Variants in HDAC4 observed in about 807,000 individuals in gnomAD.
HDAC4 encodes the protein histone deacetylase 4, also known as histone deacetylase A.
A neutral mutation model predicts 135.1 loss-of-function variants in HDAC4; 16 were observed. The observed-to-expected ratio is 0.12, with a 90% CI of 0.08 to 0.18. The LOEUF (loss-of-function observed/expected upper bound fraction) is 0.18, where lower values mean the gene tolerates loss of function less well. Among genes scored for constraint, HDAC4 ranks in the 10% least tolerant of loss-of-function variants. HDAC4 has a pLI of 1.00. For synonymous variants in HDAC4, 685 were observed against 653.4 expected (o/e 1.05, Z -0.74); for missense variants, 1,143 against 1,511.8 (o/e 0.76, Z 4.05).
chr2:239,340,806 C>G lies in HDAC4; in HGVS notation c.22+11872G>C, dbSNP rs145685118. 1.1e-4 allele frequency among the ~76,000 whole-genome samples: 16 copies of G among 152,288 alleles called. No homozygotes were observed. The South Asian group carries it at 3.3e-3, about 32-fold the overall frequency. On this transcript the variant is annotated intron_variant, in intron 2 of 26. Coordinates refer to ENST00000543185, the MANE Select transcript of HDAC4 (RefSeq NM_001378414.1). ...AAGTCCACCCCTCCAGGCCAGGCAC[C>G]CTGGCCCCATCCTGATGCTGCAAGA...
intron 4 of HDAC4, 151 bp from the exon 5 acceptor site, chr2:239,176,714 G>A: frequency 1.5e-6 from 1 of 669,382 alleles, no homozygotes; most frequent in South Asian, 1.9e-5. Context: ...TGCTATTTCA[G>A]TCCAAAAAAA....
intron 2 of HDAC4, among the ~76,000 whole-genome samples, chr2:239,276,704 G>A (rs192028538): frequency 3.9e-4 from 60 of 152,134 alleles, no homozygotes; most frequent in Admixed American, 9.8e-4. Flanking sequence ...GACACTACCC[G>A]CTGTCTGCTG....
intron 2 of HDAC4, among the ~76,000 whole-genome samples, chr2:239,294,792 C>T (rs1033682571): frequency 1.3e-5 from 2 of 152,068 alleles, no homozygotes; most frequent in Non-Finnish European, 2.9e-5. Context: ...TAAAATGGGG[C>T]GATGCCACTC....
chr2:239,209,177 G>A (rs1267444719), intron 3 of HDAC4, among the ~76,000 whole-genome samples: 1 of 152,220 alleles, frequency 6.6e-6, no homozygotes, highest in Non-Finnish European at 1.5e-5. Flanking sequence ...AGGCCACTGT[G>A]CCTGGCCCTG....
rs564755384 is a variant in HDAC4, at chr2:239,113,780, C to T, written c.1791+1273G>A. Among the ~76,000 whole-genome samples, 5 of 152,284 alleles carry T rather than the reference C, an allele frequency of 3.3e-5. No homozygotes were observed. In the South Asian group the frequency reaches 6.2e-4, roughly 19 times the overall value. On this transcript the variant is annotated intron_variant, in intron 13 of 26. Coordinates refer to ENST00000543185, the MANE Select transcript of HDAC4 (RefSeq NM_001378414.1). ...GGGCCTGTCGGACAGGACCTGTGGACGAGTGTTCACCATGAAGCACCGTGT... is the reference window on the plus strand; with the variant it reads ...GGGCCTGTCGGACAGGACCTGTGGATGAGTGTTCACCATGAAGCACCGTGT...
At chr2:239,291,360 G>A (rs1263191458) in intron 2 of HDAC4, among the ~76,000 whole-genome samples, 1 of 152,224 alleles carries the variant, frequency 6.6e-6, no homozygotes. Context: ...GCTGAAAATA[G>A]CCGGTGTTTG....
chr2:239,149,830 CT>C (rs1363048207), intron 7 of HDAC4, among the ~76,000 whole-genome samples: 1 of 152,194 alleles, frequency 6.6e-6, no homozygotes, highest in Admixed American at 6.5e-5. Context: ...CTAGAATGAA[CT>C]GCAACACCAT....
At chr2:239,358,312 C>T (rs76433937) in intron 1 of HDAC4, among the ~76,000 whole-genome samples, 2,720 of 152,364 alleles carry the variant, frequency 0.018, 48 homozygotes, top group East Asian at 0.097. Context: ...TCCCATACTG[C>T]CACCATTGGT....
Position 239,053,145 on chromosome 2 carries a change from C to T in HDAC4, c.3231-9G>A. ...TGGGCTCCTCATCTGGTCTGTGGAT[C>T]CCGCAAGAGAAGGAGATGGGGGCGT... On this transcript the variant is annotated splice_polypyrimidine_tract_variant and intron_variant, in intron 26 of 26. Coordinates refer to ENST00000543185, the MANE Select transcript of HDAC4 (RefSeq NM_001378414.1). The T allele has an allele frequency of 6.2e-7, 1 of 1,614,130 alleles. No individual in the cohort carries two copies. The highest frequency in any genetic ancestry group is 1.3e-5 in the African/African-American group (1 of 75,056).
chr2:239,310,747 G>A (rs1295965796), intron 2 of HDAC4, among the ~76,000 whole-genome samples: 1 of 152,210 alleles, frequency 6.6e-6, no homozygotes, highest in African/African-American at 2.4e-5. Flanking sequence ...AACTGGGTCT[G>A]GGAGCACAGG....
At chr2:239,124,393 T>C (rs1372594270) in intron 12 of HDAC4, among the ~76,000 whole-genome samples, 1 of 152,260 alleles carries the variant, frequency 6.6e-6, no homozygotes, top group Admixed American at 6.5e-5. Context: ...GTGCATGAAA[T>C]CATACCACAC....
chr2:239,297,845 T>C (rs2052005565), intron 2 of HDAC4, among the ~76,000 whole-genome samples: 1 of 152,208 alleles, frequency 6.6e-6, no homozygotes, highest in South Asian at 2.1e-4. Context: ...AATTGAGACC[T>C]TGAAAGTGAA....
chr2:239,117,300 G>A (rs3791424), intron 12 of HDAC4, among the ~76,000 whole-genome samples: 62,800 of 151,990 alleles, frequency 0.41, 14,731 homozygotes, highest in South Asian at 0.68. Context: ...GCTGCAGACA[G>A]GCCAGAGGTT....
chr2:239,091,322 C>T (rs1346063547), intron 17 of HDAC4: 3 of 152,288 alleles, frequency 2.0e-5, no homozygotes, highest in African/African-American at 7.2e-5. Flanking sequence ...GAGCATCTGT[C>T]CCCAAGTGTG....
intron 1 of HDAC4, among the ~76,000 whole-genome samples, chr2:239,399,000 G>A (rs533422308): frequency 4.6e-5 from 7 of 152,368 alleles, no homozygotes; most frequent in Non-Finnish European, 7.3e-5. Flanking sequence ...AACACAGAAA[G>A]CTATAGAAGT....
In HDAC4 at chr2:239,048,483, G is replaced by C. The variant is rs1308060647; in HGVS notation, c.*4614C>G. The C allele has an allele frequency of 6.6e-6, 1 of 152,208 alleles. No individual in the cohort carries two copies. Among genetic ancestry groups the C allele is most frequent in the Admixed American group, 6.5e-5 (1 of 15,282 alleles). 9.4% of individuals were successfully genotyped at this position (152,208 alleles called of 1,614,324 possible). ...GCGGGCGCGAACAGGCATCAGGTAG[G>C]TTACAGTGTCGTTACAACTTGGTTT... On this transcript the variant is annotated 3_prime_UTR_variant, in exon 27 of 27. Transcript: ENST00000543185.
chr2:239,259,939 C>A (rs748884791), intron 2 of HDAC4, among the ~76,000 whole-genome samples: 3 of 152,172 alleles, frequency 2.0e-5, no homozygotes, highest in Non-Finnish European at 4.4e-5. Flanking sequence ...CATCTGACAG[C>A]CAGCTAAGGA....
intron 5 of HDAC4, 150 bp from the exon 6 acceptor site, chr2:239,164,073 C>T: frequency 1.1e-6 from 1 of 899,578 alleles, no homozygotes; most frequent in South Asian, 1.4e-5. Flanking sequence ...CCTCAAAGAA[C>T]CAAGGCCGGG....
At chr2:239,074,840 G>A (rs1417036865) in intron 22 of HDAC4, among the ~76,000 whole-genome samples, 1 of 152,212 alleles carries the variant, frequency 6.6e-6, no homozygotes, top group African/African-American at 2.4e-5. Flanking sequence ...CCTACAAGAG[G>A]AAGCTGAAGG....
Sources: allele counts gnomAD v4.1 joint callset (sites outside exome capture counted in the v4.1 genomes callset), GRCh38; gene constraint gnomAD v4.1.1; transcripts MANE v1.5; gene names NCBI Gene and HGNC (gene_info 2026-07-23, HGNC 2026-07-21).